Variants in LRRIQ1 observed in about 807,000 individuals in gnomAD.
LRRIQ1 encodes leucine rich repeats and IQ motif containing 1, also known as leucine-rich repeat- and IQ domain-containing protein 1.
LRRIQ1 carries 210 observed loss-of-function variants against 211.9 expected under a neutral mutation model. The ratio of observed to expected loss-of-function variants is 0.99; its 90% CI spans 0.89 to 1.11. The LOEUF (loss-of-function observed/expected upper bound fraction) is 1.11. LRRIQ1 is among the 50% of genes most tolerant of loss of function. The probability of loss-of-function intolerance (pLI) is 0.00; values close to 1 mark genes in which losing one functional copy is unlikely to be tolerated. For synonymous variants in LRRIQ1, 699 were observed against 650.1 expected (o/e 1.08, Z -1.14); for missense variants, 2,136 against 1,939.5 (o/e 1.10, Z -1.90).
At chr12:85,049,497 G>A (rs1158592202) in intron 6 of LRRIQ1, among the ~76,000 whole-genome samples, 2 of 151,922 alleles carry the variant, frequency 1.3e-5, no homozygotes, top group African/African-American at 4.8e-5. Flanking sequence ...ACCTACACCT[G>A]CTTTTTCTAT....
intron 24 of LRRIQ1, among the ~76,000 whole-genome samples, chr12:85,167,059 AT>A (rs1382615757): frequency 6.6e-6 from 1 of 152,136 alleles, no homozygotes; most frequent in Non-Finnish European, 1.5e-5. Context: ...CTTATATAAT[AT>A]TTTTTAACAT....
Position 85,121,783 on chromosome 12 carries a change from A to C in LRRIQ1, c.3464A>C (p.His1155Pro). The change falls in exon 16 of 27, where the codon CAC becomes CCC. Residue 1155 changes from histidine to proline, a missense_variant. By Grantham distance (77) the His-to-Pro change is moderately conservative. Transcript: ENST00000393217. ...AATTCAGAAAGCCGCACTGAAGAAC[A>C]CAATCAACTGGGATCAGCAGGTTTC... ...NSNSESRTEEHNQLGSAGFLA... is the reference protein window; with the variant it reads ...NSNSESRTEEPNQLGSAGFLA... The C allele has an allele frequency of 1.9e-6, 3 of 1,609,580 alleles. No homozygotes were observed. Among genetic ancestry groups the C allele is most frequent in the Non-Finnish European group, 2.5e-6 (3 of 1,177,878 alleles).
intron 24 of LRRIQ1, among the ~76,000 whole-genome samples, chr12:85,161,935 A>G (rs1890906283): frequency 6.6e-6 from 1 of 152,000 alleles, no homozygotes; most frequent in African/African-American, 2.4e-5. Context: ...AGCTACTCGG[A>G]GGCTGAGGCA....
At chr12:85,141,700 T>C (rs1889551607) in intron 19 of LRRIQ1, among the ~76,000 whole-genome samples, 1 of 151,202 alleles carries the variant, frequency 6.6e-6, no homozygotes, top group South Asian at 2.1e-4. Context: ...GGGTTCTGCT[T>C]ATTTTTATAT....
At chr12:85,178,484 G>A (rs896471529) in intron 24 of LRRIQ1, among the ~76,000 whole-genome samples, 6 of 151,438 alleles carry the variant, frequency 4.0e-5, no homozygotes, top group Admixed American at 1.3e-4. Flanking sequence ...ATTTTCTTCC[G>A]CTGTCCTTGA....
At chr12:85,197,841 T>A (rs1390808442) in intron 24 of LRRIQ1, among the ~76,000 whole-genome samples, 1 of 135,798 alleles carries the variant, frequency 7.4e-6, no homozygotes, top group Non-Finnish European at 1.5e-5. Flanking sequence ...ATAAAAAATA[T>A]TATATTTATT....
At chr12:85,211,483 A>G (rs1893835161) in intron 24 of LRRIQ1, among the ~76,000 whole-genome samples, 2 of 152,206 alleles carry the variant, frequency 1.3e-5, no homozygotes, top group African/African-American at 2.4e-5. Flanking sequence ...TATGTAAATT[A>G]GCACAAACAA....
At chr12:85,228,433 A>G (rs1894774493) in intron 24 of LRRIQ1, among the ~76,000 whole-genome samples, 1 of 152,210 alleles carries the variant, frequency 6.6e-6, no homozygotes, top group Non-Finnish European at 1.5e-5. Flanking sequence ...GCCTAAGTTC[A>G]GGTTTCAAGG....
intron 11 of LRRIQ1, among the ~76,000 whole-genome samples, chr12:85,081,720 CTTCTTTT>C (rs1356217204): frequency 1.6e-5 from 2 of 128,126 alleles, no homozygotes; most frequent in Non-Finnish European, 3.2e-5. Context: ...ATTTCTTCTT[CTTCTTTT>C]TTTTTTTTTT....
Position 85,128,058 on chromosome 12 carries a change from T to C in LRRIQ1, c.4209+25T>C, listed in dbSNP as rs948097463. 5 of 1,504,268 alleles carry C rather than the reference T, an allele frequency of 3.3e-6. No homozygotes were observed. The African/African-American group carries it at 4.1e-5, about 12-fold the overall frequency. The allele number at this position is 1,504,268 out of a possible 1,614,324, so 93.2% of individuals were successfully genotyped here. On this transcript the variant is annotated intron_variant, in intron 18 of 26. Transcript: ENST00000393217. ...GGTTAATTTCAATCTTTTGGTAACA[T>C]AGTTACAAAAGATATATTAGTTGTC...
intron 11 of LRRIQ1, among the ~76,000 whole-genome samples, chr12:85,086,960 A>AT (rs1884895026): frequency 1.3e-5 from 2 of 150,766 alleles, no homozygotes; most frequent in African/African-American, 4.9e-5. Context: ...TATTATTATT[A>AT]TACTTTAAGT....
intron 24 of LRRIQ1, among the ~76,000 whole-genome samples, chr12:85,166,243 G>C (rs1005279158): frequency 2.0e-5 from 3 of 152,118 alleles, no homozygotes; most frequent in African/African-American, 7.2e-5. Context: ...ATTTAGTCTG[G>C]CGCAACAACT....
chr12:85,036,748 C>G (rs930166696), intron 1 of LRRIQ1, among the ~76,000 whole-genome samples: 1 of 148,124 alleles, frequency 6.8e-6, no homozygotes, highest in African/African-American at 2.5e-5. Flanking sequence ...CTCTTTCTTT[C>G]TTTTTTTTTT....
At chr12:85,234,446 T>G (rs1895085205) in intron 26 of LRRIQ1, among the ~76,000 whole-genome samples, 2 of 152,128 alleles carry the variant, frequency 1.3e-5, no homozygotes, top group Admixed American at 1.3e-4. Flanking sequence ...TAGATACAAC[T>G]GAACACAAAA....
chr12:85,080,069 G>A (rs979202450), intron 11 of LRRIQ1, among the ~76,000 whole-genome samples: 7 of 151,906 alleles, frequency 4.6e-5, no homozygotes, highest in South Asian at 2.1e-4. Flanking sequence ...ATACACACGC[G>A]CACACACGTA....
intron 1 of LRRIQ1, among the ~76,000 whole-genome samples, chr12:85,258,576 T>TG (rs1220495925): frequency 1.3e-5 from 2 of 151,932 alleles, no homozygotes; most frequent in African/African-American, 4.8e-5. Flanking sequence ...GACACAGCAG[T>TG]GACCTTACAA....
intron 24 of LRRIQ1, among the ~76,000 whole-genome samples, chr12:85,209,550 G>A (rs769810193): frequency 1.3e-5 from 2 of 152,138 alleles, no homozygotes; most frequent in Non-Finnish European, 2.9e-5. Flanking sequence ...TTAAAAAAAT[G>A]CATTTTTATT....
downstream of LRRIQ1, among the ~76,000 whole-genome samples, chr12:85,245,838 AAG>A (rs1483771688): frequency 2.7e-5 from 4 of 150,864 alleles, no homozygotes; most frequent in Non-Finnish European, 4.5e-5. Flanking sequence ...TTATTTTTGA[AAG>A]AGTTGTATTA....
chr12:85,187,924 C>G (rs1285724427), intron 24 of LRRIQ1, among the ~76,000 whole-genome samples: 1 of 151,978 alleles, frequency 6.6e-6, no homozygotes, highest in Non-Finnish European at 1.5e-5. Context: ...ATTTAAAACC[C>G]TGATTAGACC....
Sources: gnomAD v4.1 joint callset for allele counts (sites outside exome capture counted in the v4.1 genomes callset) on GRCh38, gnomAD v4.1.1 for gene constraint, MANE v1.5 for transcripts, NCBI Gene and HGNC (gene_info 2026-07-23, HGNC 2026-07-21) for gene names.